SPTBN1: variants seen among roughly 807,000 people sequenced by gnomAD.
SPTBN1 encodes the protein spectrin beta chain, non-erythrocytic 1.
A neutral mutation model predicts 266.4 loss-of-function variants in SPTBN1; 32 were observed. That is an observed-to-expected ratio of 0.12 (90% CI 0.09 to 0.16). The LOEUF (loss-of-function observed/expected upper bound fraction) is 0.16. SPTBN1 is among the 10% of genes least tolerant of loss of function. The probability of loss-of-function intolerance (pLI) is 1.00; values close to 1 mark genes in which losing one functional copy is unlikely to be tolerated. For synonymous variants in SPTBN1, 1,336 were observed against 1,162.2 expected (o/e 1.15, Z -3.04); for missense variants, 2,296 against 3,067.1 (o/e 0.75, Z 5.94).
intron 2 of SPTBN1, among the ~76,000 whole-genome samples, chr2:54,543,302 T>C (rs1672043124): frequency 6.6e-6 from 1 of 152,220 alleles, no homozygotes; most frequent in South Asian, 2.1e-4. Flanking sequence ...CTGCACACAG[T>C]GGGCATGCAT....
chr2:54,653,891 C>T lies in SPTBN1; in HGVS notation c.5822+38C>T, dbSNP rs368852344. ...GCCCAAAGGAAATTGGACTTATTGGCGCTTGGTTAAAACACAGGAGTCTTC... is the reference window on the plus strand; with the variant it reads ...GCCCAAAGGAAATTGGACTTATTGGTGCTTGGTTAAAACACAGGAGTCTTC... On this transcript the variant is annotated intron_variant, in intron 27 of 35. Coordinates refer to ENST00000356805, the MANE Select transcript of SPTBN1 (RefSeq NM_003128.3). This position sits in a 1 kb window ranked among gnomAD's most constrained non-coding sequence, Gnocchi z 5.1. 4 of 1,594,156 alleles carry T rather than the reference C, an allele frequency of 2.5e-6. No homozygotes were observed. The highest frequency in any genetic ancestry group is 1.7e-4 in the Middle Eastern group (1 of 5,984).
intron 1 of SPTBN1, among the ~76,000 whole-genome samples, chr2:54,481,408 G>A (rs1239269740): frequency 6.5e-5 from 6 of 92,244 alleles, no homozygotes; most frequent in Non-Finnish European, 1.4e-4. Flanking sequence ...GTGTGTGTGT[G>A]TGTGTGTGTG....
At chr2:54,608,080 C>T (rs1278341124) in intron 3 of SPTBN1, among the ~76,000 whole-genome samples, 1 of 152,132 alleles carries the variant, frequency 6.6e-6, no homozygotes. Flanking sequence ...TGGGTTGCTG[C>T]AGCCTGGCCC....
intron 1 of SPTBN1, among the ~76,000 whole-genome samples, chr2:54,483,500 C>T (rs542225074): frequency 1.3e-5 from 2 of 152,204 alleles, no homozygotes; most frequent in South Asian, 2.1e-4. Context: ...GAAACCCTCA[C>T]GTGGAGAGGC....
intron 1 of SPTBN1, among the ~76,000 whole-genome samples, chr2:54,502,131 A>T (rs1205113372): frequency 1.3e-5 from 2 of 152,152 alleles, no homozygotes; most frequent in Admixed American, 6.5e-5. Context: ...TTCCCCAAAC[A>T]CACTGGCCTT....
intron 1 of SPTBN1, among the ~76,000 whole-genome samples, chr2:54,511,877 T>A (rs947512549): frequency 6.6e-5 from 10 of 151,854 alleles, no homozygotes; most frequent in African/African-American, 2.2e-4. Context: ...TCTCAAAAAA[T>A]AATAATAATA....
intron 1 of SPTBN1, among the ~76,000 whole-genome samples, chr2:54,508,331 C>T (rs948171205): frequency 3.3e-5 from 5 of 152,142 alleles, no homozygotes; most frequent in African/African-American, 1.2e-4. Flanking sequence ...AGTTTCCTGA[C>T]TCGAGGCATG....
intron 2 of SPTBN1, among the ~76,000 whole-genome samples, chr2:54,575,930 G>A (rs538059498): frequency 6.6e-6 from 1 of 152,150 alleles, no homozygotes; most frequent in Non-Finnish European, 1.5e-5. Context: ...CGAGAAACAT[G>A]GTTGGATGAG....
rs1673111138 is a variant in SPTBN1 at position 54,559,270 on chromosome 2, A to G, written c.148+32704A>G. ...GCCTCTTACCTCTGGGAAGCTTTAA[A>G]GGTGTAAAGTGCCGTGCTCAGACCC... On this transcript the variant is annotated intron_variant, in intron 2 of 35. Coordinates refer to ENST00000356805, the MANE Select transcript of SPTBN1 (RefSeq NM_003128.3). Among the ~76,000 whole-genome samples the G allele has an allele frequency of 2.0e-5, 3 of 152,146 alleles. No individual in the cohort carries two copies. The South Asian group carries it at 6.2e-4, about 31-fold the overall frequency.
At chr2:54,519,572 T>C (rs6545423) in intron 1 of SPTBN1, among the ~76,000 whole-genome samples, 76,722 of 152,076 alleles carry the variant, frequency 0.5, 22,567 homozygotes, top group African/African-American at 0.83. Flanking sequence ...GCTTAGGACA[T>C]GGATAGTGGG....
At chr2:54,658,570 T>A (rs534102779) in intron 30 of SPTBN1, among the ~76,000 whole-genome samples, 2 of 152,348 alleles carry the variant, frequency 1.3e-5, no homozygotes, top group South Asian at 4.1e-4. Context: ...CTTTGCAGTG[T>A]ACAAAAATGG....
At chr2:54,597,870 T>C (rs78704648) in intron 2 of SPTBN1, among the ~76,000 whole-genome samples, 3 of 70,378 alleles carry the variant, frequency 4.3e-5, no homozygotes, top group African/African-American at 4.2e-4. Context: ...TATCTGCTTT[T>C]TTTTTTTTTT....
At chr2:54,606,937 A>G (rs1190438850) in intron 3 of SPTBN1, among the ~76,000 whole-genome samples, 5 of 152,218 alleles carry the variant, frequency 3.3e-5, no homozygotes, top group African/African-American at 4.8e-5. Flanking sequence ...CGTATTTTAT[A>G]TCTATTTTTT....
chr2:54,459,330 C>T (rs184747055), intron 1 of SPTBN1, among the ~76,000 whole-genome samples: 18 of 152,326 alleles, frequency 1.2e-4, no homozygotes, highest in Admixed American at 8.5e-4. Flanking sequence ...TGTGATGTTG[C>T]AGAGCAAATG....
chr2:54,590,255 T>A (rs1361763770), intron 2 of SPTBN1, among the ~76,000 whole-genome samples: 1 of 152,216 alleles, frequency 6.6e-6, no homozygotes, highest in Admixed American at 6.5e-5. Flanking sequence ...AGTTCACCTG[T>A]CATATATTTT....
intron 26 of SPTBN1, among the ~76,000 whole-genome samples, chr2:54,652,291 G>T (rs898426963): frequency 6.6e-6 from 1 of 151,806 alleles, no homozygotes; most frequent in African/African-American, 2.4e-5. Flanking sequence ...GACATATACC[G>T]TTCCCCAAAA....
At chr2:54,521,364 A>G (rs77298911) in intron 1 of SPTBN1, among the ~76,000 whole-genome samples, 7,944 of 152,314 alleles carry the variant, frequency 0.052, 648 homozygotes, top group African/African-American at 0.18. Context: ...TTGCCTTGAA[A>G]ATAAAATAGT....
At chr2:54,548,072 G>A (rs1672354290) in intron 2 of SPTBN1, among the ~76,000 whole-genome samples, 1 of 152,156 alleles carries the variant, frequency 6.6e-6, no homozygotes. Context: ...GAACCCAGGA[G>A]GTGGAGCTTG....
At chr2:54,621,238 C>T (rs1345010785) in intron 7 of SPTBN1, among the ~76,000 whole-genome samples, 162 bp from the exon 8 acceptor site, 1 of 152,184 alleles carries the variant, frequency 6.6e-6, no homozygotes, top group African/African-American at 2.4e-5. Context: ...GTTTAACCCT[C>T]ATTATCCTTG....
Sources: gnomAD v4.1 joint callset for allele counts (sites outside exome capture counted in the v4.1 genomes callset) on GRCh38, gnomAD v4.1.1 for gene constraint, Gnocchi (gnomAD v3.1) non-coding constraint, MANE v1.5 for transcripts, NCBI Gene and HGNC (gene_info 2026-07-23, HGNC 2026-07-21) for gene names.